The following FGF13 variants were observed in gnomAD, a reference collection of about 807,000 sequenced individuals.
The protein encoded by FGF13 is fibroblast growth factor 13, also known as fibroblast growth factor homologous factor 2.
In FGF13, 2 loss-of-function variants were observed where a neutral mutation model predicts 19.5. The ratio of observed to expected loss-of-function variants is 0.10; its 90% confidence interval spans 0.04 to 0.32. FGF13 has a LOEUF of 0.32. Ranked by LOEUF, FGF13 falls within the 10% of genes least tolerant of loss-of-function variation. The pLI is 1.00. For synonymous variants in FGF13, 72 were observed against 76.9 expected, an observed-to-expected ratio of 0.94 and a Z score of 0.33; for missense variants, 113 against 192.7, an observed-to-expected ratio of 0.59 and a Z score of 2.45.
At chrX:139,054,374 C>T (rs1235890904) in intron 1 of FGF13, among the ~76,000 whole-genome samples, 2 of 110,576 alleles carry the variant, frequency 1.8e-5, no homozygotes, top group South Asian at 7.7e-4. Flanking sequence ...CCGCCCGCCT[C>T]AGCCTCCCAA....
Position 138,812,406 on chromosome X carries a change from TA to T in FGF13, c.217+45105del, listed in dbSNP as rs1241005609. Among the ~76,000 whole-genome samples, 17 of 111,789 alleles carry T rather than the reference TA, an allele frequency of 1.5e-4. No homozygotes were observed. The Admixed American group carries it at 1.6e-3, about 11-fold the overall frequency. ...TGGACATGTTTTCATTTCTCTTGGA[TA>T]TGAGGCACTTGTTTTGAATAGTCTT... On this transcript the variant is annotated intron_variant, in intron 3 of 6. Coordinates refer to the FGF13 transcript ENST00000436198.
chrX:138,950,053 T>C (rs1417221493), intron 1 of FGF13, among the ~76,000 whole-genome samples: 1 of 111,934 alleles, frequency 8.9e-6, no homozygotes, highest in Non-Finnish European at 1.9e-5. Flanking sequence ...AAAATGGAAA[T>C]GTATGGAGCA....
At chrX:138,917,216 A>G (rs2091622173) in intron 1 of FGF13, among the ~76,000 whole-genome samples, 1 of 111,843 alleles carries the variant, frequency 8.9e-6, no homozygotes. Context: ...CCAAATTCAT[A>G]TGTTGAAGCC....
chrX:139,102,474 T>C (rs764955060), intron 1 of FGF13, among the ~76,000 whole-genome samples: 1 of 111,974 alleles, frequency 8.9e-6, no homozygotes, highest in South Asian at 3.7e-4. Context: ...ACACCAAATA[T>C]AAGTTATTTA....
chrX:139,147,228 G>A (rs1384751427), intron 1 of FGF13, among the ~76,000 whole-genome samples: 1 of 107,761 alleles, frequency 9.3e-6, no homozygotes, highest in Non-Finnish European at 1.9e-5. Context: ...AAAAAAAAAA[G>A]GGATCCAAAA....
In FGF13 at chrX:138,621,121, C is replaced by T. The variant is rs773886694; in HGVS notation, c.*11729G>A. ...GAATTGACTTGAACTACACTTTAGACCAAATGGACCTAACAGATACAAAAC... is the reference window on the plus strand; with the variant it reads ...GAATTGACTTGAACTACACTTTAGATCAAATGGACCTAACAGATACAAAAC... On this transcript the variant is annotated 3_prime_UTR_variant, in exon 5 of 5. Transcript: ENST00000315930. 7 of 111,721 alleles carry T rather than the reference C, an allele frequency of 6.3e-5. No homozygotes were observed. Among genetic ancestry groups the T allele is most frequent in the African/African-American group, 2.3e-4 (7 of 30,781 alleles). 9.2% of individuals were successfully genotyped at this position (111,721 alleles called of 1,213,427 possible). A position where few individuals can be genotyped will look rare whatever the true frequency, so the allele number is the denominator to read the frequency against.
chrX:138,961,110 A>C (rs1049454328), intron 1 of FGF13, among the ~76,000 whole-genome samples: 3 of 110,283 alleles, frequency 2.7e-5, no homozygotes, highest in African/African-American at 9.9e-5. Context: ...TAGAATTTTC[A>C]GCTTTTCTGC....
chrX:139,041,614 A>G (rs1475549744), intron 1 of FGF13, among the ~76,000 whole-genome samples: 1 of 111,945 alleles, frequency 8.9e-6, no homozygotes, highest in Non-Finnish European at 1.9e-5. Flanking sequence ...CATTGCACTT[A>G]GTCACATTTT....
chrX:138,908,204 G>A (rs1201685597), intron 1 of FGF13, among the ~76,000 whole-genome samples: 3 of 106,132 alleles, frequency 2.8e-5, no homozygotes, highest in African/African-American at 1.0e-4. Context: ...CCGAGTAACT[G>A]GGACAACAGG....
chrX:139,159,600 C>T (rs760444201), intron 1 of FGF13, among the ~76,000 whole-genome samples: 36 of 100,032 alleles, frequency 3.6e-4, no homozygotes, highest in African/African-American at 1.2e-3. Flanking sequence ...CGTGCAAAGA[C>T]GCACAGAGGC....
intron 1 of FGF13, among the ~76,000 whole-genome samples, chrX:138,730,193 G>A (rs1211350237): frequency 9.0e-6 from 1 of 110,725 alleles, no homozygotes; most frequent in African/African-American, 3.3e-5. Context: ...TCGTGGGGTG[G>A]AGGAGGGGGG....
At chrX:139,129,901 G>A (rs970165302) in intron 1 of FGF13, among the ~76,000 whole-genome samples, 5 of 111,556 alleles carry the variant, frequency 4.5e-5, no homozygotes, top group African/African-American at 1.3e-4. Flanking sequence ...CTGACATTTC[G>A]GAGAAAGCCA....
intron 1 of FGF13, among the ~76,000 whole-genome samples, chrX:138,891,121 C>G (rs1434422550): frequency 1.8e-5 from 2 of 111,386 alleles, no homozygotes; most frequent in Non-Finnish European, 3.8e-5. Context: ...GAAACCCCGT[C>G]TCTACTAAAA....
intron 1 of FGF13, among the ~76,000 whole-genome samples, chrX:138,922,981 C>G (rs1474127865): frequency 2.7e-5 from 3 of 112,369 alleles, no homozygotes; most frequent in Non-Finnish European, 5.6e-5. Flanking sequence ...ATATGACAGA[C>G]AGTTTCCTTA....
At chrX:139,063,743 G>T (rs1023515293) in intron 1 of FGF13, among the ~76,000 whole-genome samples, 5 of 111,563 alleles carry the variant, frequency 4.5e-5, no homozygotes, top group African/African-American at 1.6e-4. Context: ...TGGTACTACA[G>T]ATTTTCTTCA....
intron 1 of FGF13, among the ~76,000 whole-genome samples, chrX:139,010,318 C>T (rs2092122864): frequency 9.0e-6 from 1 of 111,398 alleles, no homozygotes; most frequent in African/African-American, 3.3e-5. Flanking sequence ...CAGATACTTG[C>T]AGGACATTCT....
intron 1 of FGF13, among the ~76,000 whole-genome samples, chrX:138,981,037 A>G (rs1032636336): frequency 1.8e-5 from 2 of 111,319 alleles, no homozygotes; most frequent in African/African-American, 3.3e-5. Flanking sequence ...ATGGGATGAA[A>G]TCAGAAACAA....
At position 138,631,766 on chromosome X, in the gene FGF13, A is replaced by T. The variant is rs1362003570; in HGVS notation, c.*1084T>A. ...CATATCATGCAACTCTATGCCAAGA[A>T]CCCAACTTTCTTCCATGCAACAGAT... On this transcript the variant is annotated 3_prime_UTR_variant, in exon 5 of 5. Coordinates refer to ENST00000315930, the MANE Select transcript of FGF13 (RefSeq NM_004114.5). 8.9e-6 allele frequency: 1 copy of T among 112,237 alleles called. No individual in the cohort carries two copies. Among genetic ancestry groups the T allele is most frequent in the Non-Finnish European group, 1.9e-5 (1 of 53,201 alleles). The allele number at this position is 112,237 out of a possible 1,213,427, so 9.2% of individuals were successfully genotyped here.
At chrX:138,961,279 G>C (rs999530098) in intron 1 of FGF13, among the ~76,000 whole-genome samples, 1 of 111,614 alleles carries the variant, frequency 9.0e-6, no homozygotes, top group Non-Finnish European at 1.9e-5. Context: ...CTCAGCTGTA[G>C]GTCTGTTGGA....
Sources: allele counts gnomAD v4.1 joint callset (sites outside exome capture counted in the v4.1 genomes callset), GRCh38; gene constraint gnomAD v4.1.1; transcripts MANE v1.5; gene names NCBI Gene and HGNC (gene_info 2026-07-23, HGNC 2026-07-21).